The following TRHDE variants were observed in gnomAD, a reference collection of about 807,000 sequenced individuals.
The protein encoded by TRHDE is thyrotropin-releasing hormone-degrading ectoenzyme.
A neutral mutation model predicts 125.7 loss-of-function variants in TRHDE; 72 were observed. That is an observed-to-expected ratio of 0.57 (90% CI 0.47 to 0.70). The LOEUF is 0.70. Ranked by LOEUF, TRHDE falls within the 30% of genes least tolerant of loss-of-function variation. The probability of loss-of-function intolerance (pLI) is 0.00; values close to 1 mark genes in which losing one functional copy is unlikely to be tolerated. For missense variants in TRHDE, 1,110 were observed against 1,327.1 expected (o/e 0.84, Z 2.54); for synonymous variants, 509 against 509.1 (o/e 1.00, Z 0.00).
intron 15 of TRHDE, among the ~76,000 whole-genome samples, chr12:72,648,463 G>A (rs904347136): frequency 5.9e-5 from 9 of 152,082 alleles, no homozygotes; most frequent in East Asian, 1.9e-4. Flanking sequence ...AAAATTGTCC[G>A]TTTGTACATG....
At chr12:72,574,070 C>T (rs1870876216) in intron 10 of TRHDE, among the ~76,000 whole-genome samples, 1 of 151,964 alleles carries the variant, frequency 6.6e-6, no homozygotes, top group Non-Finnish European at 1.5e-5. Context: ...CATTCCAGAC[C>T]TGAGAAATGA....
intron 2 of TRHDE, among the ~76,000 whole-genome samples, chr12:72,178,488 G>A (rs1179841835): frequency 1.3e-5 from 2 of 151,914 alleles, no homozygotes; most frequent in Non-Finnish European, 2.9e-5. Flanking sequence ...TAATATAAAG[G>A]AGCCTAAGCT....
Position 72,546,881 on chromosome 12 carries a change from A to G in TRHDE, c.1788+4525A>G, listed in dbSNP as rs141644871. ...ACCCCTGCCTTCTGACAAAGCCCAC[A>G]TGCCTGCTCTCTGCTATCTGAGCAG... On this transcript the variant is annotated intron_variant, in intron 7 of 18. Coordinates refer to ENST00000261180, the MANE Select transcript of TRHDE (RefSeq NM_013381.3). 3.8e-4 allele frequency among the ~76,000 whole-genome samples: 58 copies of G among 151,802 alleles called. No homozygotes were observed. In the East Asian group the frequency reaches 8.9e-3, roughly 23 times the overall value.
At chr12:72,400,402 A>G (rs1470198892) in intron 3 of TRHDE, among the ~76,000 whole-genome samples, 3 of 152,226 alleles carry the variant, frequency 2.0e-5, no homozygotes, top group Non-Finnish European at 4.4e-5. Context: ...CTACGCCTAC[A>G]TTTAATTTAA....
chr12:72,408,017 C>T (rs758097761), intron 3 of TRHDE, among the ~76,000 whole-genome samples: 4 of 152,050 alleles, frequency 2.6e-5, no homozygotes, highest in African/African-American at 9.7e-5. Flanking sequence ...GCTGGGAAGC[C>T]CAAGATGGAG....
At chr12:72,523,768 A>G (rs1481513992) in intron 6 of TRHDE, among the ~76,000 whole-genome samples, 1 of 152,172 alleles carries the variant, frequency 6.6e-6, no homozygotes, top group Non-Finnish European at 1.5e-5. Flanking sequence ...TTGTCTTGAC[A>G]TAAAAACTTG....
chr12:72,273,791 G>GC lies in TRHDE; in HGVS notation c.914+239dup, dbSNP rs771920386. Reference sequence around the variant, plus strand: ...TCACCGGTGCCAAAAGATGAATGCTGCCCCCTCCTCTAGTCGGGACCTCTC... The same window carrying GC: ...TCACCGGTGCCAAAAGATGAATGCTGCCCCCCTCCTCTAGTCGGGACCTCTC... On this transcript the variant is annotated intron_variant, in intron 1 of 18. Transcript: ENST00000261180. This position sits in a 1 kb window ranked among gnomAD's most constrained non-coding sequence, Gnocchi z 5.3. 3.8e-6 allele frequency: 2 copies of GC among 525,986 alleles called. No individual in the cohort carries two copies. The highest frequency in any genetic ancestry group is 6.0e-5 in the South Asian group (2 of 33,232). The allele number at this position is 525,986 out of a possible 1,614,324, so 32.6% of individuals were successfully genotyped here.
intron 2 of TRHDE, among the ~76,000 whole-genome samples, chr12:72,299,369 A>G (rs1488223118): frequency 6.6e-6 from 1 of 152,178 alleles, no homozygotes; most frequent in Non-Finnish European, 1.5e-5. Context: ...TGGCAAGATT[A>G]AGACTTGCTG....
chr12:72,411,320 T>TTAA (rs1873499798), intron 3 of TRHDE, among the ~76,000 whole-genome samples: 1 of 152,006 alleles, frequency 6.6e-6, no homozygotes, highest in South Asian at 2.1e-4. Context: ...AAGGTGCATA[T>TTAA]TAATATACAG....
intron 12 of TRHDE, among the ~76,000 whole-genome samples, chr12:72,594,501 A>AT (rs1871839662): frequency 1.8e-5 from 2 of 113,188 alleles, no homozygotes; most frequent in Non-Finnish European, 3.3e-5. Flanking sequence ...TACAGATGTG[A>AT]GTTTTTTTTT....
intron 5 of TRHDE, among the ~76,000 whole-genome samples, chr12:72,482,383 A>T (rs546285026): frequency 3.9e-5 from 6 of 152,108 alleles, no homozygotes; most frequent in African/African-American, 1.4e-4. Flanking sequence ...TTGAAAAATA[A>T]AATTGGGCAT....
At chr12:72,123,020 G>A (rs1875628872) in intron 2 of TRHDE, among the ~76,000 whole-genome samples, 2 of 152,126 alleles carry the variant, frequency 1.3e-5, no homozygotes, top group Admixed American at 6.5e-5. Flanking sequence ...ATCCCTGGTT[G>A]CAACTGTTAA....
intron 12 of TRHDE, among the ~76,000 whole-genome samples, chr12:72,606,690 T>C (rs920688272): frequency 1.3e-5 from 2 of 152,156 alleles, no homozygotes; most frequent in Non-Finnish European, 2.9e-5. Context: ...CCCTACTTTG[T>C]TTTTTAACTA....
At chr12:72,521,759 G>T (rs1174348683) in intron 6 of TRHDE, among the ~76,000 whole-genome samples, 7 of 152,266 alleles carry the variant, frequency 4.6e-5, no homozygotes, top group Middle Eastern at 3.4e-3. Flanking sequence ...AACATTTATT[G>T]CCACATAATT....
intron 3 of TRHDE, among the ~76,000 whole-genome samples, chr12:72,438,231 G>A (rs1874834550): frequency 6.6e-6 from 1 of 151,778 alleles, no homozygotes; most frequent in South Asian, 2.1e-4. Flanking sequence ...GTATTCTGCA[G>A]TGAACATGGA....
In TRHDE at chr12:72,144,570, G is replaced by C. The variant is rs569255139; in HGVS notation, n.279+38818G>C. Among the ~76,000 whole-genome samples the C allele has an allele frequency of 2.6e-5, 4 of 152,280 alleles. No individual in the cohort carries two copies. In the East Asian group the frequency reaches 7.7e-4, roughly 29 times the overall value. On this transcript the variant is annotated intron_variant and non_coding_transcript_variant, in intron 2 of 4. Coordinates refer to the TRHDE transcript ENST00000548156. The stretch of plus-strand genomic sequence containing the variant: ...CGTGTGTTACTTGTGGCTATCATAA[G>C]CTACTAGCTTCCTTGTAAATGCTCA...
intron 9 of TRHDE, among the ~76,000 whole-genome samples, chr12:72,567,641 C>T (rs79368600): frequency 0.022 from 3,296 of 152,050 alleles, 57 homozygotes; most frequent in Middle Eastern, 0.031. Flanking sequence ...ATTGAGATCA[C>T]GCAATATCTT....
At chr12:72,557,750 T>C (rs1167135809) in intron 7 of TRHDE, among the ~76,000 whole-genome samples, 1 of 152,194 alleles carries the variant, frequency 6.6e-6, no homozygotes, top group Non-Finnish European at 1.5e-5. Context: ...GTCTCGTATG[T>C]AATCATTCAC....
At chr12:72,508,914 A>G (rs1334983867) in intron 6 of TRHDE, among the ~76,000 whole-genome samples, 1 of 152,024 alleles carries the variant, frequency 6.6e-6, no homozygotes, top group Admixed American at 6.6e-5. Context: ...CTTCTGCTCC[A>G]GCCATGTAAG....
Sources: gnomAD v4.1 joint callset for allele counts (sites outside exome capture counted in the v4.1 genomes callset) on GRCh38, gnomAD v4.1.1 for gene constraint, Gnocchi (gnomAD v3.1) non-coding constraint, MANE v1.5 for transcripts, NCBI Gene and HGNC (gene_info 2026-07-23, HGNC 2026-07-21) for gene names.